Variants in STK11 observed in about 807,000 individuals in gnomAD.
STK11 encodes the protein serine/threonine-protein kinase STK11.
In STK11, 8 loss-of-function variants were observed where a neutral mutation model predicts 47.3. That is an observed-to-expected ratio of 0.17 (90% CI 0.10 to 0.31). The LOEUF (loss-of-function observed/expected upper bound fraction) is 0.31. Among genes scored for constraint, STK11 ranks in the 10% least tolerant of loss-of-function variants. The pLI, the probability that STK11 is intolerant of heterozygous loss-of-function variation, is 1.00. For missense variants in STK11, 475 were observed against 605.0 expected (o/e 0.79, Z 2.25); for synonymous variants, 330 against 255.8 (o/e 1.29, Z -2.77).
chr19:1,210,601 C>T (rs1233026551), intron 1 of STK11, among the ~76,000 whole-genome samples: 1 of 152,238 alleles, frequency 6.6e-6, no homozygotes, highest in Admixed American at 6.5e-5. Context: ...TGGGCATGTT[C>T]GGTCATGCCT....
At chr19:1,219,822 G>A (rs2080770247) in intron 3 of STK11, among the ~76,000 whole-genome samples, 2 of 152,234 alleles carry the variant, frequency 1.3e-5, no homozygotes, top group Non-Finnish European at 1.5e-5. Context: ...TGGGATTACA[G>A]GCATGAGCTA....
intron 1 of STK11, among the ~76,000 whole-genome samples, chr19:1,210,466 T>G (rs932245745): frequency 6.6e-6 from 1 of 152,310 alleles, no homozygotes; most frequent in South Asian, 2.1e-4. Context: ...GAGTCCCGTC[T>G]CTTCCCTTCC....
chr19:1,210,380 C>CGTCCG (rs1568694296), intron 1 of STK11, among the ~76,000 whole-genome samples: 1 of 152,120 alleles, frequency 6.6e-6, no homozygotes, highest in East Asian at 1.9e-4. Flanking sequence ...AAGCCTCAGG[C>CGTCCG]GTCCGGTCCT....
intron 8 of STK11, chr19:1,224,558 C>A: frequency 1.0e-6 from 1 of 985,514 alleles, no homozygotes; most frequent in South Asian, 4.7e-5. Context: ...TTGCGAGAGT[C>A]CCTACTGGGA....
intron 5 of STK11, 99 bp downstream of exon 5, chr19:1,220,816 C>T (rs868275537): frequency 1.8e-5 from 27 of 1,486,768 alleles, no homozygotes; most frequent in Middle Eastern, 2.5e-4. Flanking sequence ...GCGTGGCCAC[C>T]GGCCCAGACC....
intron 8 of STK11, chr19:1,224,268 G>C (rs2080806319): frequency 1.0e-5 from 10 of 985,336 alleles, no homozygotes; most frequent in Non-Finnish European, 1.1e-5. Context: ...AGCGTGTGTG[G>C]GGCCCCCAGG....
chr19:1,226,599 C>G lies in STK11; in HGVS notation c.1254C>G (p.Cys418Trp), dbSNP rs587780715. The change falls in exon 9 of 10, where the codon TGC becomes TGG. Residue 418 changes from cysteine to tryptophan, a missense_variant. Cys to Trp is a radical substitution (Grantham distance 215). Coordinates refer to ENST00000326873, the MANE Select transcript of STK11 (RefSeq NM_000455.5). ...GRAPNPARKA[C>W]SASSKIRRLS... ...CCCCCAACCCTGCCCGCAAGGCCTG[C>G]TCCGCCAGCAGCAAGATCCGCCGGC... 66 of 1,564,734 alleles carry G rather than the reference C, an allele frequency of 4.2e-5. No individual in the cohort carries two copies. The highest frequency in any genetic ancestry group is 5.4e-5 in the Non-Finnish European group (63 of 1,156,674).
In STK11 at chr19:1,205,822, G is replaced by A; in HGVS notation, c.-1092G>A. The A allele has an allele frequency of 9.6e-6, 2 of 207,770 alleles. No homozygotes were observed. The highest frequency in any genetic ancestry group is 1.7e-4 in the South Asian group (1 of 5,722). The allele number at this position is 207,770 out of a possible 1,614,324, so 12.9% of individuals were successfully genotyped here. ...CGGCGTGTCGGGCGCGGAAGGGGGA[G>A]GCGGCCCGGGGCGCCCGCGAGTGAG... On this transcript the variant is annotated 5_prime_UTR_variant, in exon 1 of 10. Coordinates refer to ENST00000326873, the MANE Select transcript of STK11 (RefSeq NM_000455.5).
intron 1 of STK11, among the ~76,000 whole-genome samples, chr19:1,209,243 G>A (rs2080692540): frequency 6.6e-6 from 1 of 151,926 alleles, no homozygotes; most frequent in South Asian, 2.1e-4. Flanking sequence ...GGTAGCAGGT[G>A]CCCTCTAAAG....
intron 1 of STK11, among the ~76,000 whole-genome samples, chr19:1,210,731 G>A (rs1395509603): frequency 1.3e-5 from 2 of 151,796 alleles, no homozygotes; most frequent in African/African-American, 2.4e-5. Context: ...GTGTGGTGGC[G>A]CACGCCTGTA....
chr19:1,218,897 C>T (rs915873468), intron 2 of STK11, among the ~76,000 whole-genome samples: 4 of 152,186 alleles, frequency 2.6e-5, no homozygotes, highest in Non-Finnish European at 4.4e-5. Flanking sequence ...AGCCTCCCTA[C>T]GGGGACTTTG....
intron 7 of STK11, among the ~76,000 whole-genome samples, 166 bp downstream of exon 7, chr19:1,222,172 G>A (rs2080789436): frequency 6.6e-6 from 1 of 152,322 alleles, no homozygotes; most frequent in South Asian, 2.1e-4. Flanking sequence ...GGGTCTCTGG[G>A]CAGTGTCCTG....
chr19:1,227,442 C>T, intron 9 of STK11, 151 bp from the exon 10 acceptor site: 1 of 799,922 alleles, frequency 1.3e-6, no homozygotes, highest in East Asian at 5.6e-5. Flanking sequence ...GGGAGTGACT[C>T]AAGGGTGGCC....
At chr19:1,210,382 T>C (rs1371262364) in intron 1 of STK11, among the ~76,000 whole-genome samples, 1 of 152,168 alleles carries the variant, frequency 6.6e-6, no homozygotes, top group African/African-American at 2.4e-5. Context: ...GCCTCAGGCG[T>C]CCGGTCCTCC....
chr19:1,218,345 G>C, intron 1 of STK11, 72 bp from the exon 2 acceptor site: 1 of 1,279,164 alleles, frequency 7.8e-7, no homozygotes, highest in Non-Finnish European at 1.1e-6. Flanking sequence ...AGATGGGGAG[G>C]CCGACTCCAG....
At chr19:1,209,151 GGGTTGGT>G in intron 1 of STK11, among the ~76,000 whole-genome samples, 1 of 84,718 alleles carries the variant, frequency 1.2e-5, no homozygotes, top group East Asian at 7.6e-4. Context: ...TCTGTGAGAT[GGGTTGGT>G]CAGGGGCTAG....
chr19:1,220,350 G>C (rs746474842), intron 3 of STK11, 23 bp from the exon 4 acceptor site: 2 of 1,590,534 alleles, frequency 1.3e-6, no homozygotes, highest in South Asian at 2.3e-5. Context: ...CTCGGCCCCA[G>C]GACGGGTGTG....
chr19:1,222,586 T>TG (rs1036004809), intron 7 of STK11, among the ~76,000 whole-genome samples: 1 of 152,064 alleles, frequency 6.6e-6, no homozygotes, highest in Admixed American at 6.5e-5. Context: ...GATTGTGCCT[T>TG]GGGGGTCTCT....
At chr19:1,209,780 A>C (rs557526432) in intron 1 of STK11, among the ~76,000 whole-genome samples, 23 of 151,846 alleles carry the variant, frequency 1.5e-4, no homozygotes, top group African/African-American at 4.1e-4. Context: ...ACGGTAGGGC[A>C]GAGCCTGAGG....
Sources: gnomAD v4.1 joint callset for allele counts (sites outside exome capture counted in the v4.1 genomes callset) on GRCh38, gnomAD v4.1.1 for gene constraint, MANE v1.5 for transcripts, NCBI Gene and HGNC (gene_info 2026-07-23, HGNC 2026-07-21) for gene names.